DARS2: variants seen among roughly 807,000 people sequenced by gnomAD.
DARS2 encodes the protein aspartate--tRNA ligase, mitochondrial.
In DARS2, 63 loss-of-function variants were observed where a neutral mutation model predicts 83.0. The observed-to-expected ratio is 0.76, with a 90% CI of 0.62 to 0.94. The LOEUF (loss-of-function observed/expected upper bound fraction) is 0.94, where lower values mean the gene tolerates loss of function less well. DARS2 is among the 40% of genes least tolerant of loss of function. The pLI, the probability that DARS2 is intolerant of heterozygous loss-of-function variation, is 0.00. For missense variants in DARS2, 675 were observed against 774.4 expected (o/e 0.87, Z 1.52); for synonymous variants, 250 against 269.3 (o/e 0.93, Z 0.70).
intron 11 of DARS2, among the ~76,000 whole-genome samples, chr1:173,841,879 G>A (rs980915770): frequency 5.3e-5 from 8 of 152,270 alleles, no homozygotes; most frequent in Middle Eastern, 3.4e-3. Context: ...AAAATAATAC[G>A]TAGTATTCTG....
chr1:173,842,765 C>G (rs2102651244), intron 11 of DARS2, among the ~76,000 whole-genome samples: 1 of 151,000 alleles, frequency 6.6e-6, no homozygotes, highest in African/African-American at 2.4e-5. Flanking sequence ...TGGCGAAACC[C>G]TGTCTCTACT....
In DARS2 at chr1:173,824,851, T is replaced by C. The variant is rs1463250273; in HGVS notation, c.-379T>C. On this transcript the variant is annotated 5_prime_UTR_variant, in exon 1 of 17. Transcript: ENST00000649689. Reference sequence around the variant, plus strand: ...GGCCGCGGGAGCCTCTCGAGAAGCGTGGAAAGAGGAGAAGGGCGTATACCT... The same window carrying C: ...GGCCGCGGGAGCCTCTCGAGAAGCGCGGAAAGAGGAGAAGGGCGTATACCT... 1.3e-5 allele frequency: 3 copies of C among 224,726 alleles called. No homozygotes were observed. Among genetic ancestry groups the C allele is most frequent in the Non-Finnish European group, 2.7e-5 (3 of 109,210 alleles). The allele number at this position is 224,726 out of a possible 1,614,324, so 13.9% of individuals were successfully genotyped here.
intron 11 of DARS2, among the ~76,000 whole-genome samples, chr1:173,841,878 C>T (rs1418728985): frequency 3.3e-5 from 5 of 152,132 alleles, no homozygotes; most frequent in Admixed American, 1.3e-4. Flanking sequence ...TAAAATAATA[C>T]GTAGTATTCT....
chr1:173,848,052 G>T (rs892315749), intron 12 of DARS2, among the ~76,000 whole-genome samples: 2 of 151,760 alleles, frequency 1.3e-5, no homozygotes, highest in African/African-American at 4.8e-5. Flanking sequence ...ATGGGGTTTC[G>T]CTGTGTTAGC....
intron 1 of DARS2, among the ~76,000 whole-genome samples, 156 bp downstream of exon 1, chr1:173,825,512 A>C (rs946123568): frequency 6.7e-6 from 1 of 149,340 alleles, no homozygotes; most frequent in Non-Finnish European, 1.5e-5. Flanking sequence ...TCTGCTGCCC[A>C]GGCTAGAGTG....
intron 16 of DARS2, among the ~76,000 whole-genome samples, 160 bp downstream of exon 16, chr1:173,856,901 C>G (rs966513536): frequency 6.6e-6 from 1 of 152,136 alleles, no homozygotes; most frequent in Non-Finnish European, 1.5e-5. Context: ...TTAAATATAT[C>G]TTAACAGTTA....
intron 15 of DARS2, among the ~76,000 whole-genome samples, chr1:173,854,452 G>A (rs1411594132): frequency 6.6e-6 from 1 of 152,106 alleles, no homozygotes; most frequent in African/African-American, 2.4e-5. Context: ...CTATTAAACA[G>A]TACTATTTAA....
At chr1:173,841,449 A>C (rs562629292) in intron 11 of DARS2, among the ~76,000 whole-genome samples, 1 of 152,232 alleles carries the variant, frequency 6.6e-6, no homozygotes, top group Non-Finnish European at 1.5e-5. Context: ...GAACAATAAA[A>C]TTTTATGAAT....
chr1:173,836,137 T>C (rs895556060), intron 7 of DARS2, among the ~76,000 whole-genome samples: 3 of 151,844 alleles, frequency 2.0e-5, no homozygotes, highest in Non-Finnish European at 4.4e-5. Context: ...GGAGAACCGC[T>C]TGAATCCAGA....
At chr1:173,840,408 T>G (rs1653161621) in intron 10 of DARS2, among the ~76,000 whole-genome samples, 1 of 152,144 alleles carries the variant, frequency 6.6e-6, no homozygotes. Context: ...CGGCTAATTT[T>G]TGTATTTTTA....
intron 11 of DARS2, among the ~76,000 whole-genome samples, chr1:173,844,489 G>A (rs1436402616): frequency 6.6e-6 from 1 of 151,590 alleles, no homozygotes; most frequent in African/African-American, 2.4e-5. Context: ...GGCCAATATG[G>A]TGAAACCCCA....
chr1:173,839,114 G>A (rs1169796304), intron 9 of DARS2, among the ~76,000 whole-genome samples: 1 of 152,162 alleles, frequency 6.6e-6, no homozygotes, highest in Non-Finnish European at 1.5e-5. Context: ...ATGTAGCTTC[G>A]CTGCTTACTA....
At chr1:173,826,863 A>T in intron 2 of DARS2, 77 bp downstream of exon 2, 10 of 1,060,530 alleles carry the variant, frequency 9.4e-6, no homozygotes, top group Non-Finnish European at 1.3e-5. Context: ...CTAATTTACA[A>T]CCAGTCCGAA....
intron 4 of DARS2, 76 bp from the exon 5 acceptor site, chr1:173,831,459 C>T (rs535538734): frequency 1.9e-6 from 2 of 1,048,406 alleles, no homozygotes; most frequent in East Asian, 4.7e-5. Context: ...TAAATAAATG[C>T]ATAGATTCTA....
Position 173,825,226 on chromosome 1 carries a change from C to T in DARS2, c.-4C>T, listed in dbSNP as rs771679395. The T allele has an allele frequency of 1.9e-6, 3 of 1,611,552 alleles. No homozygotes were observed. The highest frequency in any genetic ancestry group is 2.5e-6 in the Non-Finnish European group (3 of 1,178,482). Reference sequence around the variant, plus strand: ...ATTGTTTTTCGCCATCGTGTGGCTCCAACATGTACTTCCCTTCTTGGTTAA... The same window carrying T: ...ATTGTTTTTCGCCATCGTGTGGCTCTAACATGTACTTCCCTTCTTGGTTAA... On this transcript the variant is annotated 5_prime_UTR_variant, in exon 1 of 17. Transcript: ENST00000649689.
chr1:173,844,396 G>A (rs936636288), intron 11 of DARS2, among the ~76,000 whole-genome samples: 7 of 151,992 alleles, frequency 4.6e-5, no homozygotes, highest in African/African-American at 1.2e-4. Flanking sequence ...CATGCCCAGC[G>A]TGGTGGCTCA....
intron 10 of DARS2, 83 bp downstream of exon 10, chr1:173,839,629 C>T: frequency 1.5e-6 from 2 of 1,303,196 alleles, no homozygotes; most frequent in Non-Finnish European, 2.2e-6. Flanking sequence ...ACAAGTGTTA[C>T]ACACTGTTAG....
intron 13 of DARS2, 105 bp downstream of exon 13, chr1:173,850,584 A>C: frequency 8.1e-7 from 1 of 1,230,862 alleles, no homozygotes; most frequent in Non-Finnish European, 1.1e-6. Context: ...AATTCATAAA[A>C]TGGAGCTGCT....
At chr1:173,849,801 C>T (rs1391721531) in intron 12 of DARS2, among the ~76,000 whole-genome samples, 1 of 151,272 alleles carries the variant, frequency 6.6e-6, no homozygotes, top group Non-Finnish European at 1.5e-5. Flanking sequence ...AATCTCTCAT[C>T]TGCTGATATT....
Sources: allele counts gnomAD v4.1 joint callset (sites outside exome capture counted in the v4.1 genomes callset), GRCh38; gene constraint gnomAD v4.1.1; transcripts MANE v1.5; gene names NCBI Gene and HGNC (gene_info 2026-07-23, HGNC 2026-07-21).